The following PADI1 variants were observed in gnomAD, a reference collection of about 807,000 sequenced individuals.
PADI1 encodes the protein protein-arginine deiminase type-1.
In PADI1, 65 loss-of-function variants were observed where a neutral mutation model predicts 74.8. That is an observed-to-expected ratio of 0.87 (90% CI 0.71 to 1.07). The LOEUF is 1.07. Among genes scored for constraint, PADI1 ranks in the 50% least tolerant of loss-of-function variants. The probability of loss-of-function intolerance (pLI) is 0.00; values close to 1 mark genes in which losing one functional copy is unlikely to be tolerated. For missense variants in PADI1, 943 were observed against 854.0 expected, an observed-to-expected ratio of 1.10 and a Z score of -1.30; for synonymous variants, 371 against 336.2, an observed-to-expected ratio of 1.10 and a Z score of -1.13.
chr1:17,212,791 C>T (rs1183482769), intron 1 of PADI1, among the ~76,000 whole-genome samples: 1 of 152,186 alleles, frequency 6.6e-6, no homozygotes, highest in Non-Finnish European at 1.5e-5. Flanking sequence ...CAAGATGCTC[C>T]CTGGTCTCTT....
At position 17,214,341 on chromosome 1, in the gene PADI1, C is replaced by G. The variant is rs191445450; in HGVS notation, c.93-7949C>G. Reference sequence around the variant, plus strand: ...GAAGAATGCAAAAGACCCCCCTGCCCCCCGCCCCATGACTTGGCCCAGCAG... The same window carrying G: ...GAAGAATGCAAAAGACCCCCCTGCCGCCCGCCCCATGACTTGGCCCAGCAG... On this transcript the variant is annotated intron_variant, in intron 1 of 15. Coordinates refer to ENST00000375471, the MANE Select transcript of PADI1 (RefSeq NM_013358.3). Among the ~76,000 whole-genome samples, 7 of 152,084 alleles carry G rather than the reference C, an allele frequency of 4.6e-5. No individual in the cohort carries two copies. In the East Asian group the frequency reaches 1.4e-3, roughly 29 times the overall value.
At chr1:17,232,545 C>T (rs781300128) in intron 10 of PADI1, among the ~76,000 whole-genome samples, 2 of 152,252 alleles carry the variant, frequency 1.3e-5, no homozygotes, top group South Asian at 2.1e-4. Flanking sequence ...ACTTTGATTT[C>T]TTCTTTGATC....
At chr1:17,229,129 C>T in intron 8 of PADI1, 78 bp downstream of exon 8, 2 of 858,388 alleles carry the variant, frequency 2.3e-6, no homozygotes, top group South Asian at 3.1e-5. Flanking sequence ...GGGCTGCGCC[C>T]CTCACTCACA....
chr1:17,218,315 T>C (rs2072034456), intron 1 of PADI1, among the ~76,000 whole-genome samples: 1 of 152,190 alleles, frequency 6.6e-6, no homozygotes, highest in African/African-American at 2.4e-5. Context: ...CAGTAAAATT[T>C]ATAATAAATT....
rs532339038 is a variant in PADI1, at chr1:17,223,847, GAACC to G, written c.346+156_346+159del. Among the ~76,000 whole-genome samples the G allele has an allele frequency of 1.3e-4, 20 of 152,278 alleles. No homozygotes were observed. In the East Asian group the frequency reaches 3.7e-3, roughly 28 times the overall value. On this transcript the variant is annotated intron_variant, in intron 3 of 15. Transcript: ENST00000375471. ...TCCTCGGGACCTTCTGTCCACTCTG[GAACC>G]ACAGGGATTGAGACCCAGCAGTCCT...
intron 11 of PADI1, among the ~76,000 whole-genome samples, chr1:17,233,416 G>A (rs2072551805): frequency 6.6e-6 from 1 of 152,234 alleles, no homozygotes; most frequent in South Asian, 2.1e-4. Flanking sequence ...AGGTCATGAA[G>A]TTCCCAGGGC....
chr1:17,221,522 C>CG (rs1557460108), intron 1 of PADI1, among the ~76,000 whole-genome samples: 1 of 120,360 alleles, frequency 8.3e-6, no homozygotes, highest in South Asian at 2.6e-4. Context: ...GGGGATCAGT[C>CG]GGGGGGAAAG....
At chr1:17,209,481 C>T (rs144585048) in intron 1 of PADI1, among the ~76,000 whole-genome samples, 1 of 152,296 alleles carries the variant, frequency 6.6e-6, no homozygotes, top group Admixed American at 6.5e-5. Flanking sequence ...ATTGACATCA[C>T]GAAGGGCCTC....
At chr1:17,236,353 TA>T (rs1324252432) in intron 11 of PADI1, among the ~76,000 whole-genome samples, 2 of 152,188 alleles carry the variant, frequency 1.3e-5, no homozygotes, top group Non-Finnish European at 2.9e-5. Context: ...AGGGCTGTCA[TA>T]AGGATTAAAT....
At chr1:17,240,891 T>C (rs1372701150) in intron 15 of PADI1, 131 bp downstream of exon 15, 1 of 1,058,616 alleles carries the variant, frequency 9.4e-7, no homozygotes, top group African/African-American at 1.6e-5. Flanking sequence ...TTTTTGTGAA[T>C]ATAGAGAACA....
At chr1:17,213,682 C>T (rs552673301) in intron 1 of PADI1, among the ~76,000 whole-genome samples, 51 of 152,256 alleles carry the variant, frequency 3.3e-4, no homozygotes, top group Non-Finnish European at 5.7e-4. Flanking sequence ...AAGCTAAGCA[C>T]GTGCCTGGCA....
intron 1 of PADI1, among the ~76,000 whole-genome samples, chr1:17,207,158 T>C (rs962798355): frequency 6.6e-6 from 1 of 152,236 alleles, no homozygotes; most frequent in African/African-American, 2.4e-5. Context: ...TACACTGTGC[T>C]GCTAAGGCCA....
intron 1 of PADI1, among the ~76,000 whole-genome samples, chr1:17,206,110 G>C (rs1287879212): frequency 6.6e-6 from 1 of 152,210 alleles, no homozygotes; most frequent in Admixed American, 6.5e-5. Context: ...CTGAGAGGCT[G>C]TCTATGGATT....
At chr1:17,225,787 C>T in intron 4 of PADI1, 24 bp from the exon 5 acceptor site, 1 of 1,592,880 alleles carries the variant, frequency 6.3e-7, no homozygotes. Flanking sequence ...CCCACTGATC[C>T]CAAGGCATCT....
At chr1:17,238,815 A>G (rs1433706120) in intron 13 of PADI1, 106 bp downstream of exon 13, 2 of 496,796 alleles carry the variant, frequency 4.0e-6, no homozygotes, top group Admixed American at 4.2e-5. Context: ...TCAGAACCCA[A>G]CACCCACTCT....
chr1:17,226,394 T>G (rs2072312907), intron 6 of PADI1, among the ~76,000 whole-genome samples: 1 of 152,190 alleles, frequency 6.6e-6, no homozygotes, highest in Non-Finnish European at 1.5e-5. Flanking sequence ...CACAACCATC[T>G]GGGGTGGAGC....
At position 17,228,790 on chromosome 1, in the gene PADI1, A is replaced by G; in HGVS notation, c.818A>G (p.Asp273Gly). ...GLVSLSVSLV[D>G]PGTLPEVTLF... is the part of the protein sequence containing the mutation. ...GTTTCCCTCAGTGTCAGCCTGGTGG[A>G]CCCGGGGGTGTGTACAGCACTGGGG... Residue 273 changes from aspartate (D) to glycine (G), a missense_variant, in exon 7 of 16, where the codon GAC becomes GGC. Physicochemically the swap from Asp to Gly is moderately conservative, Grantham distance 94. Transcript: ENST00000375471. 6.2e-7 allele frequency: 1 copy of G among 1,612,276 alleles called. No homozygotes were observed. Among genetic ancestry groups the G allele is most frequent in the Non-Finnish European group, 8.5e-7 (1 of 1,179,618 alleles).
rs769355229 is a variant in PADI1 at position 17,224,337 on chromosome 1, C to T, written c.347-30C>T. On this transcript the variant is annotated intron_variant, in intron 3 of 15. Coordinates refer to ENST00000375471, the MANE Select transcript of PADI1 (RefSeq NM_013358.3). ...GGTGTGAAGATGGGGCTGGATGAGC[C>T]CCTGGCAGCCCCTCTCCATCTCTTT... 8 of 1,604,314 alleles carry T rather than the reference C, an allele frequency of 5.0e-6. No individual in the cohort carries two copies. In the African/African-American group the frequency reaches 1.1e-4, roughly 21 times the overall value.
At chr1:17,216,116 C>T (rs1449119653) in intron 1 of PADI1, among the ~76,000 whole-genome samples, 1 of 152,076 alleles carries the variant, frequency 6.6e-6, no homozygotes, top group South Asian at 2.1e-4. Context: ...ACGGCAGGAA[C>T]AAGCAAGAGG....
Sources: allele counts gnomAD v4.1 joint callset (sites outside exome capture counted in the v4.1 genomes callset), GRCh38; gene constraint gnomAD v4.1.1; transcripts MANE v1.5; gene names NCBI Gene and HGNC (gene_info 2026-07-23, HGNC 2026-07-21).